MTMR12: variants seen among roughly 807,000 people sequenced by gnomAD.
MTMR12 encodes myotubularin-related protein 12.
MTMR12 carries 33 observed loss-of-function variants against 96.7 expected under a neutral mutation model. The observed-to-expected ratio is 0.34, with a 90% confidence interval of 0.26 to 0.46. The LOEUF (loss-of-function observed/expected upper bound fraction) is 0.46, where lower values mean the gene tolerates loss of function less well. Ranked by LOEUF, MTMR12 falls within the 20% of genes least tolerant of loss-of-function variation. The pLI is 1.00. For missense variants in MTMR12, 721 were observed against 896.1 expected (o/e 0.80, Z 2.49); for synonymous variants, 298 against 327.2 (o/e 0.91, Z 0.96).
At position 32,245,062 on chromosome 5, in the gene MTMR12, CTT is replaced by C. The variant is rs555889635; in HGVS notation, c.1022-1465_1022-1464del. 3.3e-5 allele frequency among the ~76,000 whole-genome samples: 5 copies of C among 152,084 alleles called. No homozygotes were observed. In the South Asian group the frequency reaches 8.3e-4, roughly 25 times the overall value. On this transcript the variant is annotated intron_variant, in intron 10 of 15. Transcript: ENST00000382142. Reference sequence around the variant, plus strand: ...GTTTTTTTTGAGATGGAGTTTTGCTCTTGTCACCCAGGCTGGAGCGCAATGTG... The same window carrying C: ...GTTTTTTTTGAGATGGAGTTTTGCTCGTCACCCAGGCTGGAGCGCAATGTG...
intron 12 of MTMR12, 60 bp downstream of exon 12, chr5:32,241,996 CA>C: frequency 7.1e-7 from 1 of 1,413,346 alleles, no homozygotes; most frequent in South Asian, 1.2e-5. Flanking sequence ...GCTACATATA[CA>C]AAAATTGAAT....
chr5:32,296,232 C>T (rs935049944), intron 1 of MTMR12: 1 of 155,730 alleles, frequency 6.4e-6, no homozygotes, highest in African/African-American at 2.4e-5. Context: ...AATCCCAACA[C>T]TTTGGGAGGC....
intron 5 of MTMR12, among the ~76,000 whole-genome samples, chr5:32,269,465 G>A (rs1024889588): frequency 2.0e-5 from 3 of 150,756 alleles, no homozygotes; most frequent in African/African-American, 4.9e-5. Flanking sequence ...CACCACGCCC[G>A]GCTAATTTTT....
At chr5:32,255,601 T>C (rs559859103) in intron 8 of MTMR12, 92 bp downstream of exon 8, 175 of 1,213,390 alleles carry the variant, frequency 1.4e-4, no homozygotes, top group Non-Finnish European at 2.0e-4. Flanking sequence ...AAACAAACTC[T>C]AGAACAAAAG....
intron 1 of MTMR12, among the ~76,000 whole-genome samples, chr5:32,283,971 G>A (rs1319090186): frequency 6.6e-6 from 1 of 152,080 alleles, no homozygotes; most frequent in Non-Finnish European, 1.5e-5. Context: ...AATAACACTG[G>A]TATGTATGCC....
At chr5:32,301,260 C>T (rs1282815453) in intron 1 of MTMR12, among the ~76,000 whole-genome samples, 1 of 152,064 alleles carries the variant, frequency 6.6e-6, no homozygotes, top group African/African-American at 2.4e-5. Context: ...TGAGGCCAGC[C>T]CAGGAGTCCC....
At chr5:32,284,508 C>G (rs1377990151) in intron 1 of MTMR12, among the ~76,000 whole-genome samples, 1 of 152,098 alleles carries the variant, frequency 6.6e-6, no homozygotes, top group African/African-American at 2.4e-5. Flanking sequence ...CCCAGCACAT[C>G]CCAGGATCTA....
At chr5:32,234,525 G>C (rs1316560306) in intron 14 of MTMR12, among the ~76,000 whole-genome samples, 1 of 152,214 alleles carries the variant, frequency 6.6e-6, no homozygotes, top group African/African-American at 2.4e-5. Context: ...GAGGACATCT[G>C]GTCTAACTGT....
intron 1 of MTMR12, among the ~76,000 whole-genome samples, 161 bp from the exon 2 acceptor site, chr5:32,276,903 T>C (rs1235749816): frequency 3.6e-5 from 3 of 83,364 alleles, no homozygotes; most frequent in African/African-American, 1.5e-4. Context: ...TTTTTTTTTT[T>C]TGAGATGGAG....
At chr5:32,289,312 T>C (rs1403487837) in intron 1 of MTMR12, among the ~76,000 whole-genome samples, 2 of 152,136 alleles carry the variant, frequency 1.3e-5, no homozygotes, top group Admixed American at 6.5e-5. Flanking sequence ...TAGTTTGAAT[T>C]ATAAAAACAG....
At chr5:32,281,064 A>G (rs1750272341) in intron 1 of MTMR12, among the ~76,000 whole-genome samples, 1 of 151,842 alleles carries the variant, frequency 6.6e-6, no homozygotes, top group Admixed American at 6.6e-5. Flanking sequence ...CCTGGCCAAC[A>G]TGGTAAAACC....
chr5:32,278,969 G>A (rs774310083), intron 1 of MTMR12, among the ~76,000 whole-genome samples: 5 of 151,426 alleles, frequency 3.3e-5, no homozygotes, highest in East Asian at 3.9e-4. Context: ...CCAGCTACTC[G>A]GGAGGCTGAG....
chr5:32,228,680 C>T lies in MTMR12; in HGVS notation c.*1098G>A, dbSNP rs1747868816. 1 of 146,538 alleles carries T rather than the reference C, an allele frequency of 6.8e-6. No individual in the cohort carries two copies. The highest frequency in any genetic ancestry group is 7.0e-5 in the Admixed American group (1 of 14,380). 9.1% of individuals were successfully genotyped at this position (146,538 alleles called of 1,614,324 possible). ...TTAGACAGCAGATCCAAGAAGGTGA[C>T]CAGGCATAGTCAAGTTTCTTCTATG... On this transcript the variant is annotated 3_prime_UTR_variant, in exon 16 of 16. Transcript: ENST00000382142.
chr5:32,250,524 T>C (rs1340247557), intron 8 of MTMR12, among the ~76,000 whole-genome samples: 2 of 152,216 alleles, frequency 1.3e-5, no homozygotes, highest in Non-Finnish European at 2.9e-5. Flanking sequence ...GAAACCACCA[T>C]ACAGTTTTCA....
chr5:32,284,143 CA>C (rs201087287), intron 1 of MTMR12, among the ~76,000 whole-genome samples: 15 of 149,258 alleles, frequency 1.0e-4, no homozygotes, highest in Admixed American at 3.3e-4. Context: ...CCCATTTCCA[CA>C]AAAAAAAATT....
chr5:32,295,797 A>G (rs774760939), intron 1 of MTMR12, among the ~76,000 whole-genome samples: 67 of 152,218 alleles, frequency 4.4e-4, no homozygotes, highest in Non-Finnish European at 5.1e-4. Flanking sequence ...TGGTAAAGCC[A>G]GAACTCAGTA....
At chr5:32,267,426 T>C (rs904906226) in intron 6 of MTMR12, among the ~76,000 whole-genome samples, 2 of 148,826 alleles carry the variant, frequency 1.3e-5, no homozygotes, top group Non-Finnish European at 3.0e-5. Context: ...GTGAACAGAC[T>C]GAGGTGAAAG....
chr5:32,264,871 C>T (rs969605306), intron 6 of MTMR12, among the ~76,000 whole-genome samples: 1 of 152,020 alleles, frequency 6.6e-6, no homozygotes, highest in African/African-American at 2.4e-5. Context: ...AGTAACTTGC[C>T]TACGTCACAA....
intron 2 of MTMR12, among the ~76,000 whole-genome samples, chr5:32,275,163 G>A (rs1208317766): frequency 6.6e-6 from 1 of 152,072 alleles, no homozygotes; most frequent in African/African-American, 2.4e-5. Flanking sequence ...ACTCAGAAGG[G>A]ACAAATATTA....
Sources: allele counts gnomAD v4.1 joint callset (sites outside exome capture counted in the v4.1 genomes callset), GRCh38; gene constraint gnomAD v4.1.1; transcripts MANE v1.5; gene names NCBI Gene and HGNC (gene_info 2026-07-23, HGNC 2026-07-21).